The following UTRN variants were observed in gnomAD, a reference collection of about 807,000 sequenced individuals.
UTRN encodes the protein utrophin.
Under a neutral mutation model 463.9 loss-of-function variants are expected in UTRN, and 283 were observed. The ratio of observed to expected loss-of-function variants is 0.61; its 90% CI spans 0.55 to 0.67. The LOEUF (loss-of-function observed/expected upper bound fraction) is 0.67, where lower values mean the gene tolerates loss of function less well. Among genes scored for constraint, UTRN ranks in the 30% least tolerant of loss-of-function variants. UTRN has a pLI of 0.00. For synonymous variants in UTRN, 1,442 were observed against 1,431.5 expected (o/e 1.01, Z -0.17); for missense variants, 3,922 against 4,084.3 (o/e 0.96, Z 1.08).
At chr6:144,664,101 A>G (rs1301346117) in intron 51 of UTRN, among the ~76,000 whole-genome samples, 1 of 152,208 alleles carries the variant, frequency 6.6e-6, no homozygotes, top group African/African-American at 2.4e-5. Context: ...CCCTAATCTC[A>G]GTACTTGTGA....
intron 65 of UTRN, among the ~76,000 whole-genome samples, chr6:144,810,262 T>G (rs1052697616): frequency 2.4e-4 from 37 of 152,162 alleles, no homozygotes; most frequent in African/African-American, 7.2e-4. Flanking sequence ...TTTTCTCAAC[T>G]GCCAATGTGC....
intron 54 of UTRN, among the ~76,000 whole-genome samples, chr6:144,747,155 G>A (rs1790843559): frequency 6.6e-6 from 1 of 152,168 alleles, no homozygotes; most frequent in South Asian, 2.1e-4. Flanking sequence ...AACATTTTGA[G>A]GTGAAGTGGA....
intron 2 of UTRN, among the ~76,000 whole-genome samples, chr6:144,332,384 A>G (rs1183963970): frequency 6.6e-6 from 1 of 152,194 alleles, no homozygotes; most frequent in African/African-American, 2.4e-5. Context: ...GAATGAATGA[A>G]AAGGCGGAGT....
intron 63 of UTRN, among the ~76,000 whole-genome samples, chr6:144,795,044 C>A (rs939875103): frequency 6.6e-6 from 1 of 152,100 alleles, no homozygotes; most frequent in African/African-American, 2.4e-5. Flanking sequence ...CTGACAGGCC[C>A]CAGTGTGTGA....
At chr6:144,575,040 C>T (rs1284180386) in intron 50 of UTRN, among the ~76,000 whole-genome samples, 2 of 152,166 alleles carry the variant, frequency 1.3e-5, no homozygotes, top group Non-Finnish European at 2.9e-5. Context: ...ACTCCACATT[C>T]CTGCCAACCC....
chr6:144,836,581 A>T, intron 71 of UTRN, 40 bp downstream of exon 71: 1 of 1,608,374 alleles, frequency 6.2e-7, no homozygotes, highest in Non-Finnish European at 8.5e-7. Context: ...TCCCCAGGCC[A>T]TCTGTCCACT....
Position 144,522,141 on chromosome 6 carries a change from A to G in UTRN, c.5703A>G (p.Glu1901=). 6.5e-7 allele frequency: 1 copy of G among 1,546,768 alleles called. No homozygotes were observed. Among genetic ancestry groups the G allele is most frequent in the Non-Finnish European group, 8.7e-7 (1 of 1,147,652 alleles). The change falls in exon 40 of 75, where the codon GAA becomes GAG. Residue 1901 remains glutamate (E), a synonymous_variant. Coordinates refer to ENST00000367545, the MANE Select transcript of UTRN (RefSeq NM_007124.3). ...CAGAGCTCAACACTGCTATTTACGA[A>G]GACTTCTCTTTTCAGGAAGACTCTC... ...NVPELNTAIY[E]DFSFQEDSLK...
chr6:144,479,597 A>T (rs985631141), intron 25 of UTRN, among the ~76,000 whole-genome samples: 3 of 152,234 alleles, frequency 2.0e-5, no homozygotes, highest in African/African-American at 4.8e-5. Flanking sequence ...TAAGAGTATT[A>T]TCCAAATGTG....
At chr6:144,846,233 A>G (rs913394565) in intron 73 of UTRN, among the ~76,000 whole-genome samples, 2 of 152,204 alleles carry the variant, frequency 1.3e-5, no homozygotes, top group African/African-American at 4.8e-5. Context: ...GCCATATTCT[A>G]ACTTCTCCGT....
intron 23 of UTRN, among the ~76,000 whole-genome samples, chr6:144,467,054 AC>A (rs1264658732): frequency 6.6e-6 from 1 of 152,240 alleles, no homozygotes; most frequent in African/African-American, 2.4e-5. Context: ...CACCATTAAT[AC>A]AAATTAATAC....
intron 61 of UTRN, among the ~76,000 whole-genome samples, chr6:144,784,825 A>C (rs1185104475): frequency 6.6e-6 from 1 of 152,186 alleles, no homozygotes; most frequent in East Asian, 1.9e-4. Context: ...AGTATCTTGA[A>C]ATTTCTCATT....
chr6:144,826,066 G>T (rs1346805843), intron 66 of UTRN, among the ~76,000 whole-genome samples: 3 of 150,860 alleles, frequency 2.0e-5, no homozygotes, highest in Non-Finnish European at 3.0e-5. Context: ...GTTAATGGGT[G>T]CAGCACACCA....
At chr6:144,363,330 A>G (rs1257953052) in intron 2 of UTRN, among the ~76,000 whole-genome samples, 1 of 152,196 alleles carries the variant, frequency 6.6e-6, no homozygotes, top group African/African-American at 2.4e-5. Flanking sequence ...ATAGCGACCT[A>G]ACACAACTTT....
chr6:144,778,858 T>G (rs1775571867), intron 60 of UTRN, among the ~76,000 whole-genome samples: 1 of 152,184 alleles, frequency 6.6e-6, no homozygotes, highest in South Asian at 2.1e-4. Context: ...GAGCTGTCAT[T>G]TGTCTCCCTT....
chr6:144,294,101 T>G (rs1020835951), intron 2 of UTRN, among the ~76,000 whole-genome samples: 6 of 152,108 alleles, frequency 3.9e-5, no homozygotes, highest in African/African-American at 1.2e-4. Context: ...AGTTCTTCAA[T>G]GAACCCACAT....
intron 33 of UTRN, among the ~76,000 whole-genome samples, chr6:144,498,780 G>T (rs1793904276): frequency 6.6e-6 from 1 of 151,754 alleles, no homozygotes; most frequent in Admixed American, 6.6e-5. Flanking sequence ...TCAGCCTACT[G>T]ACCAGCTGGA....
intron 32 of UTRN, 94 bp from the exon 33 acceptor site, chr6:144,493,207 C>T (rs1170493625): frequency 8.0e-7 from 1 of 1,248,572 alleles, no homozygotes; most frequent in Middle Eastern, 2.0e-4. Context: ...TAGGTCTTGG[C>T]TGTCAATCTG....
At chr6:144,331,058 C>T (rs1379128007) in intron 2 of UTRN, 7 of 981,844 alleles carry the variant, frequency 7.1e-6, no homozygotes, top group Middle Eastern at 5.2e-4. Flanking sequence ...AAATTTTGTC[C>T]ACCTGTTCAT....
intron 23 of UTRN, among the ~76,000 whole-genome samples, chr6:144,473,280 A>G (rs759077704): frequency 6.6e-6 from 1 of 152,206 alleles, no homozygotes; most frequent in Non-Finnish European, 1.5e-5. Context: ...AAGGCATCCA[A>G]AAGCAGAAAT....
Sources: allele counts gnomAD v4.1 joint callset (sites outside exome capture counted in the v4.1 genomes callset), GRCh38; gene constraint gnomAD v4.1.1; transcripts MANE v1.5; gene names NCBI Gene and HGNC (gene_info 2026-07-23, HGNC 2026-07-21).